Variants in FBXL17 observed in about 807,000 individuals in gnomAD.
FBXL17 encodes F-box/LRR-repeat protein 17.
FBXL17 carries 22 observed loss-of-function variants against 66.2 expected under a neutral mutation model. The observed-to-expected ratio is 0.33, with a 90% confidence interval of 0.24 to 0.47. FBXL17 has a LOEUF of 0.47. FBXL17 is among the 20% of genes least tolerant of loss of function. The pLI is 1.00. For synonymous variants in FBXL17, 474 were observed against 400.5 expected (o/e 1.18, Z -2.19); for missense variants, 878 against 948.2 (o/e 0.93, Z 0.97).
At chr5:107,868,458 G>T (rs754008496) in intron 8 of FBXL17, among the ~76,000 whole-genome samples, 18 of 152,236 alleles carry the variant, frequency 1.2e-4, no homozygotes, top group Non-Finnish European at 2.2e-4. Flanking sequence ...AGACTTTGAA[G>T]CATGATGGAA....
chr5:108,290,137 T>C lies in FBXL17; in HGVS notation c.1506+58262A>G, dbSNP rs117915403. Among the ~76,000 whole-genome samples, 15 of 152,312 alleles carry C rather than the reference T, an allele frequency of 9.8e-5. No individual in the cohort carries two copies. In the East Asian group the frequency reaches 2.7e-3, roughly 27 times the overall value. On this transcript the variant is annotated intron_variant, in intron 4 of 8. Transcript: ENST00000542267. ...TGAAGCTGGGTGTATCTGGCAATGA[T>C]GGTGTGTCAGTTTAACTGGCAACAT...
intron 6 of FBXL17, among the ~76,000 whole-genome samples, chr5:108,147,979 A>G (rs552263459): frequency 5.3e-5 from 8 of 152,228 alleles, no homozygotes; most frequent in African/African-American, 1.9e-4. Flanking sequence ...AAAAACAATA[A>G]TATAGGCAAA....
intron 7 of FBXL17, among the ~76,000 whole-genome samples, chr5:107,924,663 G>A (rs1750441986): frequency 6.6e-6 from 1 of 152,154 alleles, no homozygotes; most frequent in South Asian, 2.1e-4. Context: ...CTACAGTTCA[G>A]CAATTCTGGA....
At chr5:107,999,452 A>AACACAC (rs55900474) in intron 7 of FBXL17, among the ~76,000 whole-genome samples, 2,303 of 144,498 alleles carry the variant, frequency 0.016, 18 homozygotes, top group Middle Eastern at 0.031. Context: ...TTTTGTCAGA[A>AACACAC]ACACACACAC....
intron 7 of FBXL17, among the ~76,000 whole-genome samples, chr5:107,945,780 C>G (rs1751261170): frequency 6.6e-6 from 1 of 152,106 alleles, no homozygotes; most frequent in African/African-American, 2.4e-5. Flanking sequence ...AGAGCAGAGA[C>G]AGAAATGTAA....
intron 7 of FBXL17, among the ~76,000 whole-genome samples, chr5:107,884,244 C>A (rs563656724): frequency 3.9e-5 from 6 of 152,296 alleles, no homozygotes; most frequent in African/African-American, 1.4e-4. Context: ...GACAGAACAA[C>A]ATTTAGCTGG....
At chr5:108,369,449 T>C (rs1748887937) in intron 1 of FBXL17, among the ~76,000 whole-genome samples, 1 of 152,142 alleles carries the variant, frequency 6.6e-6, no homozygotes, top group South Asian at 2.1e-4. Flanking sequence ...CACTTATCAC[T>C]CATATGTGGC....
intron 7 of FBXL17, among the ~76,000 whole-genome samples, chr5:107,995,739 TTAAA>T (rs199993818): frequency 6.7e-6 from 1 of 148,442 alleles, no homozygotes; most frequent in Non-Finnish European, 1.5e-5. Flanking sequence ...ATAAATAACA[TTAAA>T]TAAATTAAAT....
intron 6 of FBXL17, among the ~76,000 whole-genome samples, chr5:108,026,320 C>T (rs1529804): frequency 0.018 from 2,688 of 152,168 alleles, 95 homozygotes; most frequent in African/African-American, 0.061. Flanking sequence ...AACAGCTATA[C>T]ATAAATGACA....
chr5:108,059,550 C>A (rs1747840915), intron 6 of FBXL17, among the ~76,000 whole-genome samples: 1 of 152,160 alleles, frequency 6.6e-6, no homozygotes. Context: ...CCAGGGCCAC[C>A]AGGTGGAAGG....
At chr5:108,266,103 G>A (rs187993040) in intron 4 of FBXL17, among the ~76,000 whole-genome samples, 9 of 151,928 alleles carry the variant, frequency 5.9e-5, no homozygotes, top group Non-Finnish European at 7.4e-5. Context: ...AAAAATATAC[G>A]ATTTTTTTTT....
intron 6 of FBXL17, among the ~76,000 whole-genome samples, chr5:108,103,771 T>C (rs927565704): frequency 2.0e-5 from 3 of 152,154 alleles, no homozygotes; most frequent in Non-Finnish European, 4.4e-5. Flanking sequence ...TTATTATAGT[T>C]AAAAGGATAA....
At chr5:108,001,530 G>A (rs6877104) in intron 7 of FBXL17, among the ~76,000 whole-genome samples, 19,820 of 151,298 alleles carry the variant, frequency 0.13, 3,513 homozygotes, top group African/African-American at 0.4. Flanking sequence ...AGACAGAGTC[G>A]CACTCCATCG....
At chr5:108,122,290 C>T (rs1750534285) in intron 6 of FBXL17, among the ~76,000 whole-genome samples, 1 of 152,140 alleles carries the variant, frequency 6.6e-6, no homozygotes, top group South Asian at 2.1e-4. Context: ...TATTAAATAA[C>T]ATGCTGTTAG....
intron 7 of FBXL17, among the ~76,000 whole-genome samples, chr5:107,956,970 A>C (rs1183918923): frequency 6.6e-6 from 1 of 152,176 alleles, no homozygotes; most frequent in East Asian, 1.9e-4. Flanking sequence ...GATAGTGTTG[A>C]GATGGCAGCA....
intron 6 of FBXL17, among the ~76,000 whole-genome samples, chr5:108,131,520 T>C (rs1406021975): frequency 6.6e-6 from 1 of 152,132 alleles, no homozygotes; most frequent in East Asian, 1.9e-4. Context: ...AGGAAAATTC[T>C]AATAAAACAT....
chr5:108,044,215 T>TATTA (rs1747157686), intron 6 of FBXL17, among the ~76,000 whole-genome samples: 1 of 152,122 alleles, frequency 6.6e-6, no homozygotes, highest in Non-Finnish European at 1.5e-5. Context: ...CTTCCAGTAC[T>TATTA]ATATTAAGAG....
At chr5:107,935,409 A>ATGTGTGTGTGTG (rs10636166) in intron 7 of FBXL17, among the ~76,000 whole-genome samples, 19 of 149,076 alleles carry the variant, frequency 1.3e-4, no homozygotes, top group African/African-American at 4.2e-4. Flanking sequence ...TTATATATAT[A>ATGTGTGTGTGTG]TATGTGTGTG....
intron 7 of FBXL17, among the ~76,000 whole-genome samples, chr5:107,947,166 G>A (rs1425689032): frequency 6.6e-6 from 1 of 152,154 alleles, no homozygotes; most frequent in East Asian, 1.9e-4. Flanking sequence ...GACAGATCCT[G>A]ACAGGTAAAG....
Sources: gnomAD v4.1 joint callset for allele counts (sites outside exome capture counted in the v4.1 genomes callset) on GRCh38, gnomAD v4.1.1 for gene constraint, MANE v1.5 for transcripts, NCBI Gene and HGNC (gene_info 2026-07-23, HGNC 2026-07-21) for gene names.